Variants in FOXJ3 observed in about 807,000 individuals in gnomAD.
FOXJ3 encodes forkhead box protein J3.
A neutral mutation model predicts 76.1 loss-of-function variants in FOXJ3; 22 were observed. That is an observed-to-expected ratio of 0.29 (90% CI 0.21 to 0.41). FOXJ3 has a LOEUF of 0.41. FOXJ3 is among the 10% of genes least tolerant of loss of function. The probability of loss-of-function intolerance (pLI) is 1.00; values close to 1 mark genes in which losing one functional copy is unlikely to be tolerated. For synonymous variants in FOXJ3, 269 were observed against 261.2 expected (o/e 1.03, Z -0.29); for missense variants, 613 against 762.1 (o/e 0.80, Z 2.30).
At chr1:42,219,368 T>C in intron 5 of FOXJ3, among the ~76,000 whole-genome samples, 1 of 152,198 alleles carries the variant, frequency 6.6e-6, no homozygotes, top group East Asian at 1.9e-4. Flanking sequence ...GTGCCTAATT[T>C]ATAAATTAAA....
intron 5 of FOXJ3, among the ~76,000 whole-genome samples, chr1:42,221,949 T>A (rs79227588): frequency 1.1e-4 from 2 of 18,554 alleles, no homozygotes; most frequent in African/African-American, 4.0e-4. Context: ...CCTGTCTCTA[T>A]TAAAAAAAAA....
chr1:42,278,099 T>G (rs1320735022), intron 3 of FOXJ3, among the ~76,000 whole-genome samples: 1 of 152,126 alleles, frequency 6.6e-6, no homozygotes, highest in Non-Finnish European at 1.5e-5. Flanking sequence ...TGGTTTCCAG[T>G]GAACGCTACA....
chr1:42,235,705 G>A (rs1029041689), intron 4 of FOXJ3, among the ~76,000 whole-genome samples: 1 of 152,092 alleles, frequency 6.6e-6, no homozygotes, highest in African/African-American at 2.4e-5. Context: ...TGGGATTACA[G>A]GCGCCCGCCA....
At chr1:42,280,037 G>A (rs535839823) in intron 2 of FOXJ3, among the ~76,000 whole-genome samples, 1 of 152,204 alleles carries the variant, frequency 6.6e-6, no homozygotes, top group African/African-American at 2.4e-5. Flanking sequence ...GTTATAAGCT[G>A]TAGAACTGTG....
At chr1:42,192,133 T>C (rs1324833615) in intron 8 of FOXJ3, among the ~76,000 whole-genome samples, 1 of 152,252 alleles carries the variant, frequency 6.6e-6, no homozygotes, top group African/African-American at 2.4e-5. Flanking sequence ...GATGGCTCTC[T>C]GTAGGCATAA....
At chr1:42,227,655 C>G (rs1229557555) in intron 5 of FOXJ3, among the ~76,000 whole-genome samples, 1 of 152,194 alleles carries the variant, frequency 6.6e-6, no homozygotes, top group Non-Finnish European at 1.5e-5. Context: ...TCAAACGACA[C>G]CTGCGCCCTA....
intron 2 of FOXJ3, among the ~76,000 whole-genome samples, chr1:42,306,960 C>G (rs1274978789): frequency 6.6e-6 from 1 of 152,150 alleles, no homozygotes; most frequent in African/African-American, 2.4e-5. Context: ...CACCCCTACC[C>G]GTATTCTGCT....
chr1:42,185,959 C>G (rs1214227261), intron 11 of FOXJ3, among the ~76,000 whole-genome samples: 5 of 152,034 alleles, frequency 3.3e-5, no homozygotes, highest in Admixed American at 2.0e-4. Flanking sequence ...TTCTGGGACT[C>G]AAGACCTACA....
intron 11 of FOXJ3, 64 bp downstream of exon 11, chr1:42,188,673 A>C (rs1646484049): frequency 8.8e-7 from 1 of 1,134,638 alleles, no homozygotes; most frequent in Non-Finnish European, 1.2e-6. Flanking sequence ...GTTGGTTAAG[A>C]CAGTTACTAA....
intron 1 of FOXJ3, among the ~76,000 whole-genome samples, chr1:42,330,102 C>A (rs1305420794): frequency 6.6e-6 from 1 of 152,024 alleles, no homozygotes; most frequent in Non-Finnish European, 1.5e-5. Flanking sequence ...TTTATAAAAC[C>A]TACTTATAAA....
At chr1:42,220,912 GA>G (rs2124416695) in intron 5 of FOXJ3, among the ~76,000 whole-genome samples, 1 of 152,252 alleles carries the variant, frequency 6.6e-6, no homozygotes, top group Admixed American at 6.5e-5. Context: ...TCCTAGGATA[GA>G]TACAAAATCT....
At chr1:42,330,724 G>T (rs2494367) in intron 1 of FOXJ3, among the ~76,000 whole-genome samples, 4,351 of 152,208 alleles carry the variant, frequency 0.029, 215 homozygotes, top group African/African-American at 0.098. Context: ...AATTACATGA[G>T]AATTTTTAAG....
rs548721594 is a variant in FOXJ3 at position 42,270,352 on chromosome 1, T to C, written c.370-5163A>G. On this transcript the variant is annotated intron_variant, in intron 3 of 12. Coordinates refer to ENST00000361346, the MANE Select transcript of FOXJ3 (RefSeq NM_014947.5). ...TCTTCCCCCTCCATGCTGTATTCTCTACCAAAATGTAAATAGGTTCCATGA... is the reference window on the plus strand; with the variant it reads ...TCTTCCCCCTCCATGCTGTATTCTCCACCAAAATGTAAATAGGTTCCATGA... 2.0e-5 allele frequency among the ~76,000 whole-genome samples: 3 copies of C among 152,320 alleles called. No individual in the cohort carries two copies. The East Asian group carries it at 5.8e-4, about 29-fold the overall frequency.
At chr1:42,251,704 G>GTTTTT (rs1347616933) in intron 4 of FOXJ3, among the ~76,000 whole-genome samples, 2 of 104,588 alleles carry the variant, frequency 1.9e-5, no homozygotes, top group African/African-American at 7.9e-5. Context: ...CGGTTTGCCA[G>GTTTTT]TATTTTTTTT....
intron 1 of FOXJ3, among the ~76,000 whole-genome samples, chr1:42,312,571 G>A (rs930997704): frequency 1.3e-5 from 2 of 152,320 alleles, no homozygotes; most frequent in African/African-American, 4.8e-5. Flanking sequence ...CGAAAATGCT[G>A]AGTAAAGTAT....
chr1:42,314,017 T>C (rs1313178388), intron 1 of FOXJ3, among the ~76,000 whole-genome samples: 1 of 152,214 alleles, frequency 6.6e-6, no homozygotes, highest in Non-Finnish European at 1.5e-5. Context: ...TCTCTTAATA[T>C]ACTTCCTTCC....
intron 10 of FOXJ3, 99 bp downstream of exon 10, chr1:42,189,204 A>G (rs990192059): frequency 7.2e-6 from 6 of 833,718 alleles, no homozygotes; most frequent in Admixed American, 4.9e-5. Context: ...GAAATGCTAT[A>G]TAAGATGATG....
intron 4 of FOXJ3, among the ~76,000 whole-genome samples, chr1:42,252,206 T>A (rs12084409): frequency 3.9e-5 from 6 of 152,152 alleles, no homozygotes; most frequent in Non-Finnish European, 7.3e-5. Flanking sequence ...TGGTACCAGT[T>A]CCTCCTTGTA....
chr1:42,331,312 G>A (rs1656150248), intron 1 of FOXJ3, among the ~76,000 whole-genome samples: 1 of 152,046 alleles, frequency 6.6e-6, no homozygotes, highest in African/African-American at 2.4e-5. Context: ...AACCTGGGAG[G>A]CAGAGGTTGC....
Sources: allele counts gnomAD v4.1 joint callset (sites outside exome capture counted in the v4.1 genomes callset), GRCh38; gene constraint gnomAD v4.1.1; transcripts MANE v1.5; gene names NCBI Gene and HGNC (gene_info 2026-07-23, HGNC 2026-07-21).